The following UNC5D variants were observed in gnomAD, a reference collection of about 807,000 sequenced individuals.
The protein encoded by UNC5D is netrin receptor UNC5D.
UNC5D carries 39 observed loss-of-function variants against 105.4 expected under a neutral mutation model. The ratio of observed to expected loss-of-function variants is 0.37; its 90% confidence interval spans 0.29 to 0.48. The LOEUF (loss-of-function observed/expected upper bound fraction) is 0.48, where lower values mean the gene tolerates loss of function less well. Among genes scored for constraint, UNC5D ranks in the 20% least tolerant of loss-of-function variants. The pLI is 0.98. For synonymous variants in UNC5D, 452 were observed against 450.4 expected (o/e 1.00, Z -0.04); for missense variants, 991 against 1,202.4 (o/e 0.82, Z 2.60).
At chr8:35,411,175 A>G (rs1805140314) in intron 1 of UNC5D, among the ~76,000 whole-genome samples, 1 of 152,018 alleles carries the variant, frequency 6.6e-6, no homozygotes, top group Non-Finnish European at 1.5e-5. Flanking sequence ...GCGACGACCC[A>G]TGGCTCCATG....
chr8:35,571,707 G>C (rs1298794165), intron 3 of UNC5D, among the ~76,000 whole-genome samples: 1 of 152,216 alleles, frequency 6.6e-6, no homozygotes, highest in Non-Finnish European at 1.5e-5. Context: ...GACACACTGT[G>C]TGTGAGGATC....
intron 7 of UNC5D, among the ~76,000 whole-genome samples, chr8:35,694,644 A>G (rs1826630437): frequency 6.6e-6 from 1 of 152,150 alleles, no homozygotes; most frequent in Non-Finnish European, 1.5e-5. Flanking sequence ...ATCTGAGTGA[A>G]GCATTTTCCC....
intron 4 of UNC5D, among the ~76,000 whole-genome samples, chr8:35,650,149 A>G (rs1311488824): frequency 2.6e-5 from 4 of 151,822 alleles, no homozygotes; most frequent in African/African-American, 9.7e-5. Context: ...AACAAAAAAC[A>G]AAACACCCCA....
chr8:35,692,839 C>A (rs2131380417), intron 7 of UNC5D, among the ~76,000 whole-genome samples: 1 of 152,300 alleles, frequency 6.6e-6, no homozygotes, highest in Non-Finnish European at 1.5e-5. Flanking sequence ...GTAGGTGCTC[C>A]TTTTTACACA....
At chr8:35,639,690 G>A (rs890163369) in intron 4 of UNC5D, among the ~76,000 whole-genome samples, 1 of 152,038 alleles carries the variant, frequency 6.6e-6, no homozygotes, top group Non-Finnish European at 1.5e-5. Flanking sequence ...AGAGTAGGGA[G>A]CAGTGGGAGA....
At chr8:35,281,466 G>T (rs539342262) in intron 1 of UNC5D, among the ~76,000 whole-genome samples, 1 of 148,956 alleles carries the variant, frequency 6.7e-6, no homozygotes, top group Non-Finnish European at 1.5e-5. Context: ...TTGAGATGGA[G>T]TCTCGCTCTG....
chr8:35,534,759 G>A (rs1272211617), intron 1 of UNC5D, among the ~76,000 whole-genome samples: 3 of 151,954 alleles, frequency 2.0e-5, no homozygotes, highest in African/African-American at 7.3e-5. Context: ...GGAAAGCCCT[G>A]TAGTCAAACT....
intron 1 of UNC5D, among the ~76,000 whole-genome samples, chr8:35,447,174 A>G (rs1170183358): frequency 6.6e-6 from 1 of 152,156 alleles, no homozygotes; most frequent in Non-Finnish European, 1.5e-5. Flanking sequence ...GAAGTTGGCT[A>G]AACTCACTTA....
intron 1 of UNC5D, among the ~76,000 whole-genome samples, chr8:35,445,809 G>C (rs1807746443): frequency 6.6e-6 from 1 of 151,962 alleles, no homozygotes; most frequent in African/African-American, 2.4e-5. Context: ...AATTCTTTTT[G>C]TGTTTAAAAA....
chr8:35,341,548 G>A (rs755107064), intron 1 of UNC5D, among the ~76,000 whole-genome samples: 10 of 150,228 alleles, frequency 6.7e-5, no homozygotes, highest in Non-Finnish European at 1.5e-4. Context: ...TCTTCTCCCT[G>A]TTCTCTTTCG....
chr8:35,665,124 T>C (rs1032270039), intron 4 of UNC5D, among the ~76,000 whole-genome samples: 3 of 152,218 alleles, frequency 2.0e-5, no homozygotes, highest in Non-Finnish European at 4.4e-5. Flanking sequence ...TGTGAGCCAC[T>C]GTGCCCAGCC....
chr8:35,273,897 A>G (rs1805591346), intron 1 of UNC5D, among the ~76,000 whole-genome samples: 1 of 152,200 alleles, frequency 6.6e-6, no homozygotes, highest in Admixed American at 6.5e-5. Context: ...CCTGGGAGAA[A>G]TACAGGCTTA....
intron 4 of UNC5D, among the ~76,000 whole-genome samples, chr8:35,636,034 T>G (rs1268441174): frequency 6.6e-6 from 1 of 152,146 alleles, no homozygotes; most frequent in Non-Finnish European, 1.5e-5. Flanking sequence ...AGAGGTGGTA[T>G]AGAAGGAGGG....
intron 1 of UNC5D, among the ~76,000 whole-genome samples, chr8:35,371,176 GCACACACACA>G (rs10563262): frequency 1.3e-5 from 2 of 149,174 alleles, no homozygotes; most frequent in East Asian, 2.0e-4. Flanking sequence ...TTGTGCCACT[GCACACACACA>G]CACACACACA....
Position 35,249,009 on chromosome 8 carries a change from AAT to A in UNC5D, c.103+13129_103+13130del, listed in dbSNP as rs1217657820. Among the ~76,000 whole-genome samples the A allele has an allele frequency of 3.0e-4, 21 of 69,520 alleles. 1 individual carries two copies. The highest frequency in any genetic ancestry group is 0.012 in the Middle Eastern group (1 of 84). 45.6% of individuals were successfully genotyped at this position (69,520 alleles called of 152,430 possible). A position where few individuals can be genotyped will look rare whatever the true frequency, so the allele number is the denominator to read the frequency against. ...TAATATATTATATATAAACATATAT[AAT>A]ATATATTATATATGTTTATATAATA... On this transcript the variant is annotated intron_variant, in intron 1 of 16. Transcript: ENST00000404895.
chr8:35,359,425 A>T (rs1268089782), intron 1 of UNC5D, among the ~76,000 whole-genome samples: 1 of 152,168 alleles, frequency 6.6e-6, no homozygotes, highest in Non-Finnish European at 1.5e-5. Flanking sequence ...CTTTGAATGT[A>T]TCTTTATTCG....
In UNC5D at chr8:35,413,006, T is replaced by A. The variant is rs190349288; in HGVS notation, c.104-136286T>A. Among the ~76,000 whole-genome samples the A allele has an allele frequency of 1.8e-4, 28 of 152,180 alleles. No homozygotes were observed. The East Asian group carries it at 4.1e-3, about 22-fold the overall frequency. On this transcript the variant is annotated intron_variant, in intron 1 of 16. Coordinates refer to ENST00000404895, the MANE Select transcript of UNC5D (RefSeq NM_080872.4). ...TTTTTGAACATATGAAATGTCCTGG[T>A]TCTATTGAATTTCACTGTCAATTCA...
At chr8:35,643,713 C>A (rs1822887588) in intron 4 of UNC5D, among the ~76,000 whole-genome samples, 1 of 152,088 alleles carries the variant, frequency 6.6e-6, no homozygotes, top group Non-Finnish European at 1.5e-5. Context: ...TCAGTCCTTG[C>A]ATGACTTCAG....
chr8:35,650,850 A>G (rs1330647790), intron 4 of UNC5D, among the ~76,000 whole-genome samples: 1 of 152,196 alleles, frequency 6.6e-6, no homozygotes, highest in Non-Finnish European at 1.5e-5. Context: ...ACTATTACTC[A>G]GGAGCATCTT....
Sources: allele counts gnomAD v4.1 joint callset (sites outside exome capture counted in the v4.1 genomes callset), GRCh38; gene constraint gnomAD v4.1.1; transcripts MANE v1.5; gene names NCBI Gene and HGNC (gene_info 2026-07-23, HGNC 2026-07-21).